Variants in ZNF385B observed in about 807,000 individuals in gnomAD.
The protein encoded by ZNF385B is zinc finger protein 533.
A neutral mutation model predicts 39.2 loss-of-function variants in ZNF385B; 23 were observed. That is an observed-to-expected ratio of 0.59 (90% CI 0.42 to 0.83). ZNF385B has a LOEUF of 0.83. Ranked by LOEUF, ZNF385B falls within the 40% of genes least tolerant of loss-of-function variation. The pLI is 0.00. For missense variants in ZNF385B, 552 were observed against 598.9 expected (o/e 0.92, Z 0.82); for synonymous variants, 205 against 222.6 (o/e 0.92, Z 0.70).
intron 1 of ZNF385B, among the ~76,000 whole-genome samples, chr2:179,808,324 A>G (rs529377106): frequency 3.0e-4 from 45 of 152,268 alleles, no homozygotes; most frequent in South Asian, 8.3e-4. Flanking sequence ...GAGCCACCGC[A>G]CCCGGCCTAT....
chr2:179,811,578 T>C (rs1375608310), intron 1 of ZNF385B, among the ~76,000 whole-genome samples: 1 of 152,166 alleles, frequency 6.6e-6, no homozygotes, highest in Non-Finnish European at 1.5e-5. Context: ...TAAATGGTGC[T>C]GAGATAGCTG....
chr2:179,841,658 C>A (rs1455630330), intron 1 of ZNF385B, among the ~76,000 whole-genome samples: 2 of 152,186 alleles, frequency 1.3e-5, no homozygotes, highest in African/African-American at 2.4e-5. Flanking sequence ...TCCCCATCCC[C>A]AGTTGTAACT....
At chr2:179,518,189 G>T (rs1392581501) in intron 5 of ZNF385B, among the ~76,000 whole-genome samples, 3 of 152,060 alleles carry the variant, frequency 2.0e-5, no homozygotes, top group East Asian at 3.8e-4. Context: ...CTTAATTTTT[G>T]ATCTTAGCCA....
At chr2:179,473,260 T>C (rs1335788069) in intron 6 of ZNF385B, among the ~76,000 whole-genome samples, 2 of 152,106 alleles carry the variant, frequency 1.3e-5, no homozygotes, top group African/African-American at 2.4e-5. Flanking sequence ...AAACCACAAG[T>C]GCAAATAATT....
chr2:179,559,528 T>C (rs1377378248), intron 3 of ZNF385B, among the ~76,000 whole-genome samples: 3 of 152,184 alleles, frequency 2.0e-5, no homozygotes, highest in East Asian at 1.9e-4. Context: ...CTGTGCATCA[T>C]GTTACTCTTG....
intron 5 of ZNF385B, among the ~76,000 whole-genome samples, chr2:179,489,119 C>T (rs1361727100): frequency 6.6e-6 from 1 of 152,108 alleles, no homozygotes; most frequent in Non-Finnish European, 1.5e-5. Flanking sequence ...GGTATCAGAG[C>T]TGGGTTCTGC....
At position 179,769,794 on chromosome 2, in the gene ZNF385B, ACCTCATGCCTG is replaced by A; in HGVS notation, c.-2-3_6del. 1 of 1,601,972 alleles carries A rather than the reference ACCTCATGCCTG, an allele frequency of 6.2e-7. No individual in the cohort carries two copies. The highest frequency in any genetic ancestry group is 8.5e-7 in the Non-Finnish European group (1 of 1,173,302). On this transcript the variant is annotated splice_acceptor_variant and splice_polypyrimidine_tract_variant and coding_sequence_variant and 5_prime_UTR_variant and intron_variant, in exon 3 of 10. Coordinates refer to ENST00000410066, the MANE Select transcript of ZNF385B (RefSeq NM_152520.6). LOFTEE classifies it high-confidence loss of function. ...AGATGGTTGTCAGGGCTTAAGGAGTACCTCATGCCTGAAAAACAAAACAAGTACAAGTGCTT... is the reference window on the plus strand; with the variant it reads ...AGATGGTTGTCAGGGCTTAAGGAGTAAAAAACAAAACAAGTACAAGTGCTT...
intron 3 of ZNF385B, among the ~76,000 whole-genome samples, chr2:179,699,774 C>T (rs977655815): frequency 1.3e-5 from 2 of 152,026 alleles, no homozygotes; most frequent in African/African-American, 4.8e-5. Flanking sequence ...CCTCTGTTGG[C>T]GGTTGATGGC....
intron 6 of ZNF385B, among the ~76,000 whole-genome samples, chr2:179,472,703 G>A (rs1315844953): frequency 6.6e-6 from 1 of 152,146 alleles, no homozygotes; most frequent in Non-Finnish European, 1.5e-5. Context: ...CTTTTTTACT[G>A]ACATAAATTC....
intron 3 of ZNF385B, among the ~76,000 whole-genome samples, chr2:179,752,221 GA>G (rs911645350): frequency 1.5e-4 from 23 of 152,238 alleles, no homozygotes; most frequent in African/African-American, 5.5e-4. Flanking sequence ...TGCTGAGAAT[GA>G]TGGTTTCCAG....
intron 7 of ZNF385B, among the ~76,000 whole-genome samples, 169 bp from the exon 8 acceptor site, chr2:179,445,897 A>G (rs1455705920): frequency 1.3e-5 from 2 of 152,202 alleles, no homozygotes; most frequent in African/African-American, 2.4e-5. Context: ...AAAAATGGAA[A>G]AATGTAAGCG....
chr2:179,692,585 A>C (rs942785057), intron 3 of ZNF385B, among the ~76,000 whole-genome samples: 3 of 152,318 alleles, frequency 2.0e-5, no homozygotes, highest in South Asian at 4.1e-4. Flanking sequence ...CGTTTCACAA[A>C]GTGCTTTCAC....
intron 1 of ZNF385B, among the ~76,000 whole-genome samples, chr2:179,857,919 G>A (rs1234086064): frequency 6.6e-6 from 1 of 151,960 alleles, no homozygotes; most frequent in Non-Finnish European, 1.5e-5. Flanking sequence ...GCTACTTTGA[G>A]GCTGGACTGC....
At chr2:179,757,738 C>T (rs560695684) in intron 3 of ZNF385B, among the ~76,000 whole-genome samples, 13 of 152,250 alleles carry the variant, frequency 8.5e-5, no homozygotes, top group East Asian at 1.9e-4. Context: ...AGCGAGGCTC[C>T]GTGGGCGTGG....
intron 5 of ZNF385B, among the ~76,000 whole-genome samples, chr2:179,495,933 A>G (rs113208461): frequency 3.9e-5 from 6 of 152,300 alleles, no homozygotes; most frequent in African/African-American, 1.4e-4. Context: ...TAACTCTTCA[A>G]TGCCCAAAGA....
At chr2:179,740,550 A>G (rs538541570) in intron 3 of ZNF385B, among the ~76,000 whole-genome samples, 15 of 152,328 alleles carry the variant, frequency 9.8e-5, no homozygotes, top group Non-Finnish European at 1.9e-4. Context: ...TTTTCCAAAA[A>G]TTTGAGGACA....
chr2:179,468,210 A>C (rs1005907470), intron 6 of ZNF385B, among the ~76,000 whole-genome samples: 6 of 152,230 alleles, frequency 3.9e-5, no homozygotes, highest in African/African-American at 1.4e-4. Context: ...TGTATCAGTG[A>C]ACTGGCACCG....
chr2:179,713,537 T>G (rs2106388964), intron 3 of ZNF385B, among the ~76,000 whole-genome samples: 1 of 152,324 alleles, frequency 6.6e-6, no homozygotes, highest in Admixed American at 6.5e-5. Context: ...TTTATTCTAA[T>G]TTTTCCCTAG....
At chr2:179,556,910 T>A (rs973324312) in intron 3 of ZNF385B, among the ~76,000 whole-genome samples, 1 of 149,258 alleles carries the variant, frequency 6.7e-6, no homozygotes, top group African/African-American at 2.5e-5. Flanking sequence ...ATGATGGCAG[T>A]CTATAGCATG....
Sources: allele counts gnomAD v4.1 joint callset (sites outside exome capture counted in the v4.1 genomes callset), GRCh38; gene constraint gnomAD v4.1.1; transcripts MANE v1.5; gene names NCBI Gene and HGNC (gene_info 2026-07-23, HGNC 2026-07-21).